CHN2: variants seen among roughly 807,000 people sequenced by gnomAD.
CHN2 encodes beta-chimaerin.
A neutral mutation model predicts 56.3 loss-of-function variants in CHN2; 35 were observed. That is an observed-to-expected ratio of 0.62 (90% CI 0.47 to 0.82). The LOEUF (loss-of-function observed/expected upper bound fraction) is 0.82, where lower values mean the gene tolerates loss of function less well. CHN2 is among the 40% of genes least tolerant of loss of function. The pLI is 0.00. For missense variants in CHN2, 491 were observed against 580.5 expected (o/e 0.85, Z 1.58); for synonymous variants, 210 against 212.8 (o/e 0.99, Z 0.12).
intron 1 of CHN2, among the ~76,000 whole-genome samples, chr7:29,214,036 G>A (rs1444226721): frequency 1.3e-5 from 2 of 152,180 alleles, no homozygotes; most frequent in Non-Finnish European, 2.9e-5. Flanking sequence ...CCGTGGTCAT[G>A]CTTTCTCCTT....
chr7:29,369,641 C>T (rs947165024), intron 3 of CHN2, among the ~76,000 whole-genome samples: 2 of 152,120 alleles, frequency 1.3e-5, no homozygotes, highest in African/African-American at 4.8e-5. Context: ...TCTCAAAATC[C>T]TTGGAACCAT....
At chr7:29,363,251 C>G (rs1340489470) in intron 2 of CHN2, among the ~76,000 whole-genome samples, 1 of 152,150 alleles carries the variant, frequency 6.6e-6, no homozygotes, top group South Asian at 2.1e-4. Context: ...TTTGGGAGGC[C>G]GAAGCAGGTG....
chr7:29,151,557 G>T (rs1372165982), intron 2 of CHN2, among the ~76,000 whole-genome samples: 2 of 152,152 alleles, frequency 1.3e-5, no homozygotes, highest in African/African-American at 4.8e-5. Flanking sequence ...AACTTTGTAA[G>T]GATTTTATGG....
chr7:29,311,947 G>A (rs1014267092), intron 1 of CHN2, among the ~76,000 whole-genome samples: 2 of 152,168 alleles, frequency 1.3e-5, no homozygotes, highest in Non-Finnish European at 2.9e-5. Context: ...GGGCAAGTTA[G>A]GTAAATGATT....
At chr7:29,496,654 C>T (rs1789327858) in intron 8 of CHN2, among the ~76,000 whole-genome samples, 1 of 152,198 alleles carries the variant, frequency 6.6e-6, no homozygotes, top group African/African-American at 2.4e-5. Context: ...TGAAACCATG[C>T]ACCTTGATTT....
chr7:29,320,665 GTT>G (rs1795271723), intron 1 of CHN2, among the ~76,000 whole-genome samples: 1 of 152,082 alleles, frequency 6.6e-6, no homozygotes, highest in South Asian at 2.1e-4. Context: ...CCCAAATCTT[GTT>G]ATCAAACTGT....
intron 7 of CHN2, among the ~76,000 whole-genome samples, chr7:29,492,497 T>C (rs1788774026): frequency 6.6e-6 from 1 of 152,210 alleles, no homozygotes; most frequent in Admixed American, 6.5e-5. Context: ...CCATCATTTC[T>C]CAACTTCTGA....
chr7:29,434,119 G>A (rs1281302541), intron 6 of CHN2, among the ~76,000 whole-genome samples: 1 of 152,112 alleles, frequency 6.6e-6, no homozygotes, highest in Non-Finnish European at 1.5e-5. Flanking sequence ...ATTAGGTGGT[G>A]GGGGTTTTGA....
At chr7:29,267,104 C>T (rs1031420369) in intron 1 of CHN2, among the ~76,000 whole-genome samples, 1 of 152,138 alleles carries the variant, frequency 6.6e-6, no homozygotes, top group African/African-American at 2.4e-5. Flanking sequence ...CTTTTTACTC[C>T]GTGGGCATTT....
intron 6 of CHN2, among the ~76,000 whole-genome samples, chr7:29,408,895 C>T (rs745993051): frequency 6.6e-6 from 1 of 152,158 alleles, no homozygotes; most frequent in Non-Finnish European, 1.5e-5. Flanking sequence ...CTCTAGGAAA[C>T]AGCTAATTTA....
chr7:29,449,271 AT>A (rs201218682), intron 6 of CHN2, among the ~76,000 whole-genome samples: 3 of 152,272 alleles, frequency 2.0e-5, no homozygotes, highest in Admixed American at 6.5e-5. Context: ...CTGAAAAAAA[AT>A]AATCTATGTG....
chr7:29,418,682 G>T (rs1346769350), intron 6 of CHN2, among the ~76,000 whole-genome samples: 1 of 152,176 alleles, frequency 6.6e-6, no homozygotes, highest in Admixed American at 6.5e-5. Context: ...CTGTCCAGGG[G>T]CTAAGCTCAC....
chr7:29,355,772 ATTTTTTTTTTTTTTTTT>A (rs1167339692), intron 2 of CHN2, among the ~76,000 whole-genome samples: 2 of 52,368 alleles, frequency 3.8e-5, no homozygotes, highest in African/African-American at 7.5e-5. Context: ...AGATGGGACT[ATTTTTTTTTTTTTTTTT>A]TTTTTTTTTT....
At chr7:29,411,657 G>C (rs953733555) in intron 6 of CHN2, among the ~76,000 whole-genome samples, 1 of 152,140 alleles carries the variant, frequency 6.6e-6, no homozygotes, top group Non-Finnish European at 1.5e-5. Flanking sequence ...CAGGAGCCAG[G>C]CCTTTCACCC....
chr7:29,349,246 T>G (rs1797697000), intron 1 of CHN2, among the ~76,000 whole-genome samples: 1 of 152,232 alleles, frequency 6.6e-6, no homozygotes, highest in South Asian at 2.1e-4. Flanking sequence ...AGCTTTCTCC[T>G]ACACATGGCT....
intron 1 of CHN2, among the ~76,000 whole-genome samples, chr7:29,353,297 G>A (rs1798024292): frequency 6.6e-6 from 1 of 152,210 alleles, no homozygotes; most frequent in Admixed American, 6.5e-5. Flanking sequence ...TATTTATAAA[G>A]AGCATATTTG....
At chr7:29,468,018 G>C (rs1380213577) in intron 6 of CHN2, among the ~76,000 whole-genome samples, 1 of 151,848 alleles carries the variant, frequency 6.6e-6, no homozygotes, top group Non-Finnish European at 1.5e-5. Flanking sequence ...TGGGTCTTGG[G>C]TTCTGAGAAT....
At chr7:29,311,774 G>C (rs1794622020) in intron 1 of CHN2, among the ~76,000 whole-genome samples, 4 of 152,226 alleles carry the variant, frequency 2.6e-5, no homozygotes, top group African/African-American at 9.6e-5. Context: ...AATAAACACT[G>C]ATTGAATGGC....
At chr7:29,371,323 G>A (rs1799594114) in intron 3 of CHN2, among the ~76,000 whole-genome samples, 1 of 152,196 alleles carries the variant, frequency 6.6e-6, no homozygotes, top group Non-Finnish European at 1.5e-5. Context: ...CAACAGCTCT[G>A]GCGCCAATTA....
Sources: gnomAD v4.1 joint callset for allele counts (sites outside exome capture counted in the v4.1 genomes callset) on GRCh38, gnomAD v4.1.1 for gene constraint, MANE v1.5 for transcripts, NCBI Gene and HGNC (gene_info 2026-07-23, HGNC 2026-07-21) for gene names.